Variants in PAK5 observed in about 807,000 individuals in gnomAD.
The protein encoded by PAK5 is p21 (RAC1) activated kinase 5.
A neutral mutation model predicts 65.9 loss-of-function variants in PAK5; 16 were observed. The observed-to-expected ratio is 0.24, with a 90% CI of 0.16 to 0.37. PAK5 has a LOEUF of 0.37. Among genes scored for constraint, PAK5 ranks in the 10% least tolerant of loss-of-function variants. The pLI, the probability that PAK5 is intolerant of heterozygous loss-of-function variation, is 1.00. For synonymous variants in PAK5, 371 were observed against 354.9 expected, an observed-to-expected ratio of 1.05 and a Z score of -0.51; for missense variants, 785 against 903.9, an observed-to-expected ratio of 0.87 and a Z score of 1.69.
chr20:9,770,364 G>A (rs1344232447), intron 1 of PAK5, among the ~76,000 whole-genome samples: 1 of 152,152 alleles, frequency 6.6e-6, no homozygotes, highest in Non-Finnish European at 1.5e-5. Context: ...TCAGCTGAAG[G>A]TGAAAATGAG....
chr20:9,679,655 G>C (rs1359269913), intron 2 of PAK5, among the ~76,000 whole-genome samples: 1 of 152,204 alleles, frequency 6.6e-6, no homozygotes, highest in Non-Finnish European at 1.5e-5. Flanking sequence ...CAAAACAGTA[G>C]AGTCGTGCAG....
chr20:9,775,830 C>G (rs1318111399), intron 1 of PAK5, among the ~76,000 whole-genome samples: 2 of 152,130 alleles, frequency 1.3e-5, no homozygotes, highest in Non-Finnish European at 2.9e-5. Context: ...TTGTTAATTT[C>G]CCCTCCATAG....
At chr20:9,689,638 C>T (rs1457750492) in intron 2 of PAK5, among the ~76,000 whole-genome samples, 1 of 152,226 alleles carries the variant, frequency 6.6e-6, no homozygotes, top group Admixed American at 6.5e-5. Context: ...TTGGAGGAAG[C>T]TATTTCGGTA....
chr20:9,788,775 C>A (rs751581329), intron 1 of PAK5, among the ~76,000 whole-genome samples: 3 of 152,096 alleles, frequency 2.0e-5, no homozygotes, highest in Admixed American at 6.6e-5. Context: ...AAAGGGGTTC[C>A]AAGATTCAGC....
intron 3 of PAK5, among the ~76,000 whole-genome samples, chr20:9,625,797 AT>A (rs1335722815): frequency 1.3e-5 from 2 of 152,158 alleles, no homozygotes; most frequent in Admixed American, 6.5e-5. Flanking sequence ...CTGACAATTT[AT>A]AGGCTTGTCA....
At chr20:9,641,942 T>C (rs7267963) in intron 3 of PAK5, among the ~76,000 whole-genome samples, 101,989 of 151,732 alleles carry the variant, frequency 0.67, 35,267 homozygotes, top group East Asian at 0.97. Context: ...AAGCACCGCA[T>C]GCAGCCCCGG....
intron 1 of PAK5, among the ~76,000 whole-genome samples, chr20:9,831,408 T>C (rs903723449): frequency 2.0e-5 from 3 of 152,272 alleles, no homozygotes; most frequent in African/African-American, 7.2e-5. Flanking sequence ...AATCAATGAA[T>C]GTTTGTTACA....
At chr20:9,695,471 C>T (rs1470789737) in intron 2 of PAK5, among the ~76,000 whole-genome samples, 3 of 151,944 alleles carry the variant, frequency 2.0e-5, no homozygotes, top group Admixed American at 2.0e-4. Flanking sequence ...TTTAGATTTA[C>T]GATCTATCTG....
chr20:9,811,754 G>T (rs977924909), intron 1 of PAK5, among the ~76,000 whole-genome samples: 3 of 152,116 alleles, frequency 2.0e-5, no homozygotes, highest in Non-Finnish European at 2.9e-5. Flanking sequence ...AATAACATGT[G>T]CTCACCCCGC....
chr20:9,832,103 G>C (rs943331352), intron 1 of PAK5, among the ~76,000 whole-genome samples: 1 of 151,460 alleles, frequency 6.6e-6, no homozygotes, highest in Admixed American at 6.6e-5. Context: ...CCTTTACCAA[G>C]CTCCCAAGTT....
chr20:9,736,975 C>T (rs1000942759), intron 1 of PAK5, among the ~76,000 whole-genome samples: 4 of 151,052 alleles, frequency 2.6e-5, no homozygotes, highest in African/African-American at 9.7e-5. Context: ...AGAAACAGTG[C>T]AAATAGGAAG....
intron 4 of PAK5, among the ~76,000 whole-genome samples, chr20:9,572,368 A>G (rs1302830318): frequency 1.3e-5 from 2 of 152,204 alleles, no homozygotes; most frequent in African/African-American, 4.8e-5. Flanking sequence ...ATGATAGCCT[A>G]TATTTGGAAG....
chr20:9,771,134 T>A (rs1436440256), intron 1 of PAK5, among the ~76,000 whole-genome samples: 1 of 152,208 alleles, frequency 6.6e-6, no homozygotes, highest in Admixed American at 6.5e-5. Context: ...CTATAATTTA[T>A]CTAGTCAAAC....
intron 3 of PAK5, among the ~76,000 whole-genome samples, chr20:9,619,541 C>G (rs1049190023): frequency 6.6e-6 from 1 of 152,164 alleles, no homozygotes; most frequent in East Asian, 1.9e-4. Flanking sequence ...CTGCTGTGTT[C>G]AGGTCCCTTT....
At chr20:9,659,167 CA>C (rs1332826711) in intron 2 of PAK5, among the ~76,000 whole-genome samples, 6 of 152,246 alleles carry the variant, frequency 3.9e-5, no homozygotes, top group African/African-American at 1.4e-4. Context: ...AGCTGGCAAT[CA>C]AAATGAGATC....
chr20:9,593,011 T>A (rs1361630013), intron 3 of PAK5, among the ~76,000 whole-genome samples: 3 of 152,194 alleles, frequency 2.0e-5, no homozygotes, highest in South Asian at 2.1e-4. Context: ...CTATTAGGAG[T>A]TGGCAGGGCT....
intron 9 of PAK5, among the ~76,000 whole-genome samples, chr20:9,541,844 T>C (rs992700500): frequency 1.3e-5 from 2 of 152,284 alleles, no homozygotes; most frequent in South Asian, 4.1e-4. Flanking sequence ...GGAATTATCA[T>C]GAGAGCTGAT....
At chr20:9,666,285 C>A (rs2047416193) in intron 2 of PAK5, among the ~76,000 whole-genome samples, 1 of 151,828 alleles carries the variant, frequency 6.6e-6, no homozygotes, top group Admixed American at 6.6e-5. Flanking sequence ...GATATAGCCT[C>A]CTGACTGCCC....
In PAK5 at chr20:9,627,662, T is replaced by C. The variant is rs573706183; in HGVS notation, c.204+16463A>G. On this transcript the variant is annotated intron_variant, in intron 3 of 9. Coordinates refer to ENST00000353224, the MANE Select transcript of PAK5 (RefSeq NM_177990.4). ...TTTTTTTTTAAATGGAGTCTCACTCTGTCACTCAGGCTGGAGTGCAGTGGC... is the reference window on the plus strand; with the variant it reads ...TTTTTTTTTAAATGGAGTCTCACTCCGTCACTCAGGCTGGAGTGCAGTGGC... Among the ~76,000 whole-genome samples the C allele has an allele frequency of 7.2e-5, 11 of 152,290 alleles. No homozygotes were observed. The South Asian group carries it at 2.3e-3, about 32-fold the overall frequency.
Sources: allele counts gnomAD v4.1 joint callset (sites outside exome capture counted in the v4.1 genomes callset), GRCh38; gene constraint gnomAD v4.1.1; transcripts MANE v1.5; gene names NCBI Gene and HGNC (gene_info 2026-07-23, HGNC 2026-07-21).